LRRC4C: variants seen among roughly 807,000 people sequenced by gnomAD.
The protein encoded by LRRC4C is leucine-rich repeat-containing protein 4C.
Under a neutral mutation model 33.6 loss-of-function variants are expected in LRRC4C, and 5 were observed. The ratio of observed to expected loss-of-function variants is 0.15; its 90% CI spans 0.08 to 0.31. LRRC4C has a LOEUF of 0.31. LRRC4C is among the 10% of genes least tolerant of loss of function. The pLI is 1.00. For missense variants in LRRC4C, 560 were observed against 796.7 expected, an observed-to-expected ratio of 0.70 and a Z score of 3.58; for synonymous variants, 329 against 302.0, an observed-to-expected ratio of 1.09 and a Z score of -0.93.
intron 3 of LRRC4C, among the ~76,000 whole-genome samples, chr11:40,627,505 T>C (rs1283953838): frequency 3.3e-5 from 5 of 152,078 alleles, no homozygotes; most frequent in Non-Finnish European, 7.4e-5. Context: ...TTGAGGGACT[T>C]TGTACTTAGG....
At chr11:41,153,971 C>T (rs1440972045) in intron 1 of LRRC4C, among the ~76,000 whole-genome samples, 1 of 151,860 alleles carries the variant, frequency 6.6e-6, no homozygotes, top group African/African-American at 2.4e-5. Flanking sequence ...GGGGATGTGG[C>T]CACAAGTCAA....
chr11:41,183,243 G>A (rs971481019), intron 1 of LRRC4C, among the ~76,000 whole-genome samples: 11 of 152,030 alleles, frequency 7.2e-5, no homozygotes, highest in East Asian at 5.8e-4. Context: ...GTTCCCCAAC[G>A]TCTTAACACA....
intron 4 of LRRC4C, among the ~76,000 whole-genome samples, chr11:40,270,363 T>C (rs752221167): frequency 2.0e-5 from 3 of 152,052 alleles, no homozygotes; most frequent in Non-Finnish European, 2.9e-5. Flanking sequence ...TCTCACTGTA[T>C]TCTCAGTCTT....
intron 2 of LRRC4C, among the ~76,000 whole-genome samples, chr11:40,773,889 A>G (rs938827761): frequency 8.5e-5 from 13 of 152,108 alleles, no homozygotes; most frequent in African/African-American, 2.4e-4. Flanking sequence ...TAACCATTTC[A>G]AAGTATATGA....
intron 1 of LRRC4C, among the ~76,000 whole-genome samples, chr11:41,121,589 G>C (rs1942434037): frequency 6.6e-6 from 1 of 152,134 alleles, no homozygotes; most frequent in African/African-American, 2.4e-5. Flanking sequence ...ATATAATCAA[G>C]TGGAGAATTT....
intron 3 of LRRC4C, among the ~76,000 whole-genome samples, chr11:40,516,594 T>A (rs924312477): frequency 6.6e-6 from 1 of 152,118 alleles, no homozygotes; most frequent in African/African-American, 2.4e-5. Flanking sequence ...GGCACATGGC[T>A]AGGGAATATT....
At chr11:40,928,623 T>C (rs1438150624) in intron 2 of LRRC4C, among the ~76,000 whole-genome samples, 4 of 152,126 alleles carry the variant, frequency 2.6e-5, no homozygotes, top group Non-Finnish European at 1.5e-5. Context: ...CCAGTCATAG[T>C]TTCACTAAAT....
chr11:41,045,762 C>A (rs1857735591), intron 1 of LRRC4C, among the ~76,000 whole-genome samples: 1 of 152,008 alleles, frequency 6.6e-6, no homozygotes, highest in East Asian at 1.9e-4. Context: ...AAGTATTTTC[C>A]TATCTCAGTG....
intron 2 of LRRC4C, among the ~76,000 whole-genome samples, chr11:40,860,746 G>A (rs1000805501): frequency 3.0e-5 from 4 of 134,206 alleles, no homozygotes; most frequent in African/African-American, 1.1e-4. Flanking sequence ...TTCCAAATAA[G>A]GTCATATTCT....
chr11:40,684,749 G>C (rs1472417340), intron 2 of LRRC4C, among the ~76,000 whole-genome samples: 1 of 151,940 alleles, frequency 6.6e-6, no homozygotes, highest in Non-Finnish European at 1.5e-5. Flanking sequence ...TATATTACAT[G>C]CAAATGAGGA....
chr11:40,597,759 T>G (rs1959507957), intron 3 of LRRC4C, among the ~76,000 whole-genome samples: 1 of 152,180 alleles, frequency 6.6e-6, no homozygotes, highest in Non-Finnish European at 1.5e-5. Flanking sequence ...CTGTGCCTTT[T>G]CCTCTTGCTG....
chr11:41,014,194 C>A (rs896366319), intron 1 of LRRC4C, among the ~76,000 whole-genome samples: 29 of 152,158 alleles, frequency 1.9e-4, no homozygotes, highest in Admixed American at 6.5e-4. Flanking sequence ...ATTCAATCTT[C>A]TCCCCAAAGC....
intron 2 of LRRC4C, among the ~76,000 whole-genome samples, chr11:40,654,079 GA>G (rs1167151989): frequency 2.0e-5 from 3 of 152,184 alleles, no homozygotes; most frequent in Non-Finnish European, 2.9e-5. Flanking sequence ...AGGATGTATG[GA>G]AATGCCTGCA....
chr11:40,624,612 A>C (rs902549626), intron 3 of LRRC4C, among the ~76,000 whole-genome samples: 2 of 152,154 alleles, frequency 1.3e-5, no homozygotes, highest in Non-Finnish European at 2.9e-5. Flanking sequence ...TCTGTCAAAA[A>C]GTGAGGCTGA....
rs181131961 is a variant in LRRC4C at position 40,451,364 on chromosome 11, G to A, written c.-269-131643C>T. 1.2e-4 allele frequency among the ~76,000 whole-genome samples: 11 copies of A among 90,084 alleles called. No individual in the cohort carries two copies. The Admixed American group carries it at 1.5e-3, about 12-fold the overall frequency. The allele number at this position is 90,084 out of a possible 152,430, so 59.1% of individuals were successfully genotyped here. ...TTACTATTAGCCTTACAGAAATAATGACTTTTTTTTTTTTTTTTTTTTTTT... is the reference window on the plus strand; with the variant it reads ...TTACTATTAGCCTTACAGAAATAATAACTTTTTTTTTTTTTTTTTTTTTTT... On this transcript the variant is annotated intron_variant, in intron 3 of 6. Transcript: ENST00000528697.
intron 1 of LRRC4C, among the ~76,000 whole-genome samples, chr11:41,338,485 C>A (rs1024005852): frequency 6.6e-6 from 1 of 151,990 alleles, no homozygotes; most frequent in Non-Finnish European, 1.5e-5. Flanking sequence ...GATGTGGGAG[C>A]TGAACAGTGA....
chr11:41,416,125 T>G (rs1422080496), intron 1 of LRRC4C, among the ~76,000 whole-genome samples: 1 of 152,068 alleles, frequency 6.6e-6, no homozygotes, highest in African/African-American at 2.4e-5. Context: ...ATAAAGCTGT[T>G]AATTTGTTTC....
intron 1 of LRRC4C, among the ~76,000 whole-genome samples, chr11:40,956,315 T>C (rs1958952075): frequency 1.3e-5 from 2 of 151,816 alleles, no homozygotes; most frequent in Admixed American, 1.3e-4. Context: ...GGAATTCTTA[T>C]AAATTACGAG....
chr11:40,645,965 T>G (rs1942425420), intron 3 of LRRC4C, among the ~76,000 whole-genome samples: 1 of 152,010 alleles, frequency 6.6e-6, no homozygotes, highest in Admixed American at 6.5e-5. Context: ...AATCTCTGAC[T>G]CTTACTTTTG....
Sources: gnomAD v4.1 joint callset for allele counts (sites outside exome capture counted in the v4.1 genomes callset) on GRCh38, gnomAD v4.1.1 for gene constraint, MANE v1.5 for transcripts, NCBI Gene and HGNC (gene_info 2026-07-23, HGNC 2026-07-21) for gene names.